Variants in SMOC2 observed in about 807,000 individuals in gnomAD.
SMOC2 encodes SPARC-related modular calcium-binding protein 2.
SMOC2 carries 39 observed loss-of-function variants against 61.4 expected under a neutral mutation model. The observed-to-expected ratio is 0.64, with a 90% CI of 0.49 to 0.83. The LOEUF (loss-of-function observed/expected upper bound fraction) is 0.83, where lower values mean the gene tolerates loss of function less well. Among genes scored for constraint, SMOC2 ranks in the 40% least tolerant of loss-of-function variants. The probability of loss-of-function intolerance (pLI) is 0.00; values close to 1 mark genes in which losing one functional copy is unlikely to be tolerated. For missense variants in SMOC2, 556 were observed against 592.9 expected (o/e 0.94, Z 0.65); for synonymous variants, 247 against 239.9 (o/e 1.03, Z -0.27).
intron 7 of SMOC2, among the ~76,000 whole-genome samples, chr6:168,560,566 C>G (rs113110383): frequency 2.2e-4 from 29 of 133,668 alleles, no homozygotes; most frequent in African/African-American, 7.4e-4. Context: ...ACGAGGCTCT[C>G]ACTGCATTCT....
rs550858028 is a variant in SMOC2, at chr6:168,575,239, C to T, written c.638-23579C>T. 8.7e-4 allele frequency among the ~76,000 whole-genome samples: 133 copies of T among 152,318 alleles called. 1 individual carries two copies. The South Asian group carries it at 0.027, about 30-fold the overall frequency. Reference sequence around the variant, plus strand: ...CTGCTGAACATTTCAGGCTGTTCTTCTGTGGCTTAAAATGACAGTAGGTTA... The same window carrying T: ...CTGCTGAACATTTCAGGCTGTTCTTTTGTGGCTTAAAATGACAGTAGGTTA... On this transcript the variant is annotated intron_variant, in intron 7 of 12. Coordinates refer to ENST00000356284, the MANE Select transcript of SMOC2 (RefSeq NM_001166412.2).
At chr6:168,620,075 T>C (rs1028702021) in intron 9 of SMOC2, among the ~76,000 whole-genome samples, 1 of 152,216 alleles carries the variant, frequency 6.6e-6, no homozygotes, top group Non-Finnish European at 1.5e-5. Context: ...CACACAGCCC[T>C]ACCTGCGTGT....
intron 7 of SMOC2, among the ~76,000 whole-genome samples, chr6:168,569,016 A>G (rs1237079633): frequency 6.6e-6 from 1 of 152,228 alleles, no homozygotes; most frequent in East Asian, 1.9e-4. Context: ...AGAAACACTC[A>G]TATGTAGGTT....
At chr6:168,570,952 C>G (rs966302808) in intron 7 of SMOC2, among the ~76,000 whole-genome samples, 1 of 152,144 alleles carries the variant, frequency 6.6e-6, no homozygotes, top group Non-Finnish European at 1.5e-5. Context: ...GCACATAACT[C>G]ATAGTGAAGT....
At chr6:168,600,806 A>G (rs1310897038) in intron 8 of SMOC2, among the ~76,000 whole-genome samples, 2 of 152,360 alleles carry the variant, frequency 1.3e-5, no homozygotes, top group East Asian at 3.9e-4. Flanking sequence ...GACAAGGGCA[A>G]TGAAAGTTAT....
At chr6:168,516,720 T>C (rs2763239) in intron 2 of SMOC2, among the ~76,000 whole-genome samples, 75,263 of 152,010 alleles carry the variant, frequency 0.5, 22,003 homozygotes, top group Non-Finnish European at 0.67. Context: ...ATTAAGATTA[T>C]TAGGCGGGCA....
rs183105907 is a variant in SMOC2 at position 168,591,345 on chromosome 6, A to G, written c.638-7473A>G. ...GGAACTAGAAAAGCACAAACCACCA[A>G]ATAGAACTACCTATGAAAGACAGCA... On this transcript the variant is annotated intron_variant, in intron 7 of 12. Coordinates refer to ENST00000356284, the MANE Select transcript of SMOC2 (RefSeq NM_001166412.2). Among the ~76,000 whole-genome samples, 21 of 152,322 alleles carry G rather than the reference A, an allele frequency of 1.4e-4. No homozygotes were observed. In the East Asian group the frequency reaches 3.7e-3, roughly 27 times the overall value.
intron 9 of SMOC2, among the ~76,000 whole-genome samples, chr6:168,638,513 AGCGG>A: frequency 6.6e-6 from 1 of 152,238 alleles, no homozygotes; most frequent in Non-Finnish European, 1.5e-5. Context: ...AGCTGCTGGA[AGCGG>A]GGTCTGGAGG....
intron 4 of SMOC2, among the ~76,000 whole-genome samples, chr6:168,542,946 C>T (rs185047172): frequency 4.3e-4 from 66 of 152,200 alleles, no homozygotes; most frequent in African/African-American, 1.5e-3. Flanking sequence ...GGGAATTCCA[C>T]GTTAATTCTA....
At chr6:168,482,617 G>A in intron 1 of SMOC2, among the ~76,000 whole-genome samples, 1 of 151,984 alleles carries the variant, frequency 6.6e-6, no homozygotes, top group Non-Finnish European at 1.5e-5. Flanking sequence ...GCAACTAGAG[G>A]CCAATATCCC....
intron 3 of SMOC2, among the ~76,000 whole-genome samples, 183 bp downstream of exon 3, chr6:168,526,635 C>T (rs1783461910): frequency 6.6e-6 from 1 of 152,172 alleles, no homozygotes; most frequent in South Asian, 2.1e-4. Context: ...CATAAATAGA[C>T]ACATAAATGA....
Position 168,544,656 on chromosome 6 carries a change from G to C in SMOC2, c.511+984G>C, listed in dbSNP as rs571599113. On this transcript the variant is annotated intron_variant, in intron 5 of 12. Transcript: ENST00000356284. The surrounding 1 kb of genome is among the most constrained non-coding windows in gnomAD (Gnocchi z 4.1). ...CCACTGCACTCCAGCCTGGGCAACA[G>C]AGTGAGATTCTGTCTCAAAAACAAA... Among the ~76,000 whole-genome samples, 118 of 152,312 alleles carry C rather than the reference G, an allele frequency of 7.7e-4. No homozygotes were observed. The highest frequency in any genetic ancestry group is 2.8e-3 in the African/African-American group (118 of 41,560).
chr6:168,509,819 C>T lies in SMOC2; in HGVS notation c.85-96C>T, dbSNP rs554233250. 9 of 1,276,238 alleles carry T rather than the reference C, an allele frequency of 7.1e-6. No individual in the cohort carries two copies. The African/African-American group carries it at 1.2e-4, about 17-fold the overall frequency. 79.1% of individuals were successfully genotyped at this position (1,276,238 alleles called of 1,614,324 possible). A position where few individuals can be genotyped will look rare whatever the true frequency, so the allele number is the denominator to read the frequency against. ...TGGTGTTATCCCTCAAGCTTTCATTCCCTGACCGTGAAGTGGCCTGAGGCA... is the reference window on the plus strand; with the variant it reads ...TGGTGTTATCCCTCAAGCTTTCATTTCCTGACCGTGAAGTGGCCTGAGGCA... On this transcript the variant is annotated intron_variant, in intron 1 of 12. Coordinates refer to ENST00000356284, the MANE Select transcript of SMOC2 (RefSeq NM_001166412.2).
chr6:168,525,980 G>A (rs1252595847), intron 2 of SMOC2, among the ~76,000 whole-genome samples: 1 of 152,224 alleles, frequency 6.6e-6, no homozygotes, highest in Non-Finnish European at 1.5e-5. Context: ...AGGACAGCCT[G>A]CCTCCGTCCC....
intron 1 of SMOC2, among the ~76,000 whole-genome samples, chr6:168,491,046 G>A (rs947943017): frequency 6.6e-6 from 1 of 151,930 alleles, no homozygotes; most frequent in Non-Finnish European, 1.5e-5. Context: ...GGGGCAGCGG[G>A]GGCGGCTGGT....
intron 9 of SMOC2, among the ~76,000 whole-genome samples, chr6:168,647,844 C>A (rs936671812): frequency 6.6e-6 from 1 of 152,148 alleles, no homozygotes; most frequent in African/African-American, 2.4e-5. Flanking sequence ...AAGCATTATT[C>A]CAGGTCCTGG....
At position 168,618,575 on chromosome 6, in the gene SMOC2, G is replaced by A. The variant is rs147854970; in HGVS notation, c.907+10336G>A. On this transcript the variant is annotated intron_variant, in intron 9 of 12. Transcript: ENST00000356284. ...CATTAAAACGAGGGTCGAGAGGTGG[G>A]TAGTGGCATTAAGAGGAGAGTTGAG... 3.8e-3 allele frequency among the ~76,000 whole-genome samples: 583 copies of A among 151,936 alleles called. 6 individuals carry two copies. The highest frequency in any genetic ancestry group is 0.014 in the African/African-American group (568 of 41,364).
At chr6:168,652,295 G>A (rs965683005) in intron 10 of SMOC2, among the ~76,000 whole-genome samples, 19 of 152,128 alleles carry the variant, frequency 1.2e-4, no homozygotes, top group African/African-American at 4.1e-4. Flanking sequence ...GGAGTTCACG[G>A]TGTTCTCATA....
In SMOC2 at chr6:168,453,692, TTCTG is replaced by T. The variant is rs903420389; in HGVS notation, c.84+12242_84+12245del. On this transcript the variant is annotated intron_variant, in intron 1 of 12. Transcript: ENST00000356284. This position sits in a 1 kb window ranked among gnomAD's most constrained non-coding sequence, Gnocchi z 4.4. ...TCTCTTTCTGTCTCTGTCTCTCTAA[TTCTG>T]TCTATTGATCTCTGCCATTCTACAT... Among the ~76,000 whole-genome samples the T allele has an allele frequency of 5.3e-5, 8 of 152,072 alleles. No homozygotes were observed. Among genetic ancestry groups the T allele is most frequent in the East Asian group, 2.0e-4 (1 of 5,128 alleles).
Sources: allele counts gnomAD v4.1 joint callset (sites outside exome capture counted in the v4.1 genomes callset), GRCh38; gene constraint gnomAD v4.1.1; non-coding constraint Gnocchi (gnomAD v3.1); transcripts MANE v1.5; gene names NCBI Gene and HGNC (gene_info 2026-07-23, HGNC 2026-07-21).